KIAA0753: variants seen among roughly 807,000 people sequenced by gnomAD.
KIAA0753 encodes KIAA0753, also known as protein moonraker.
Under a neutral mutation model 116.9 loss-of-function variants are expected in KIAA0753, and 114 were observed. That is an observed-to-expected ratio of 0.98 (90% CI 0.84 to 1.14). KIAA0753 has a LOEUF of 1.14. KIAA0753 is among the 50% of genes most tolerant of loss of function. The probability of loss-of-function intolerance (pLI) is 0.00; values close to 1 mark genes in which losing one functional copy is unlikely to be tolerated. For missense variants in KIAA0753, 1,156 were observed against 1,172.4 expected (o/e 0.99, Z 0.20); for synonymous variants, 405 against 413.1 (o/e 0.98, Z 0.24).
chr17:6,612,746 T>G (rs554929366), intron 7 of KIAA0753, among the ~76,000 whole-genome samples: 1 of 152,156 alleles, frequency 6.6e-6, no homozygotes, highest in African/African-American at 2.4e-5. Context: ...CAGCCACCTA[T>G]AATCCCAGCT....
intron 2 of KIAA0753, chr17:6,634,785 GAGA>G (rs1294348228): frequency 8.6e-6 from 4 of 463,332 alleles, no homozygotes; most frequent in Admixed American, 3.3e-5. Flanking sequence ...TCATTTTTAG[GAGA>G]AGTATTCTCA....
chr17:6,596,576 C>T (rs1969502219), intron 14 of KIAA0753, among the ~76,000 whole-genome samples: 1 of 152,174 alleles, frequency 6.6e-6, no homozygotes, highest in Non-Finnish European at 1.5e-5. Flanking sequence ...ATAGCATTAA[C>T]CAAGTAATAC....
At chr17:6,601,017 A>G (rs569678957) in intron 12 of KIAA0753, 79 of 154,418 alleles carry the variant, frequency 5.1e-4, no homozygotes, top group Non-Finnish European at 9.7e-4. Flanking sequence ...AGATCAGACG[A>G]GATCGGGCAC....
chr17:6,628,538 A>G lies in KIAA0753; in HGVS notation c.297T>C (p.Tyr99=), dbSNP rs1971824426. Residue 99 remains tyrosine, a synonymous_variant, in exon 3 of 19, where the codon TAT becomes TAC. Coordinates refer to ENST00000361413, the MANE Select transcript of KIAA0753 (RefSeq NM_014804.3). ...CATCTCTTCTGGCTAGGTGGACAGC[A>G]TAGCTAAGTCTCTCTTGGGATATGA... is the stretch of plus-strand genomic sequence containing the variant. The part of the protein sequence containing the change: ...FSVISQERLS[Y]AVHLARRDVK... 6.2e-7 allele frequency: 1 copy of G among 1,614,208 alleles called. No homozygotes were observed. The highest frequency in any genetic ancestry group is 8.5e-7 in the Non-Finnish European group (1 of 1,180,034).
rs1437797489 is a variant in KIAA0753 at position 6,605,108 on chromosome 17, A to T, written c.2009+1765T>A. Among the ~76,000 whole-genome samples, 3 of 146,948 alleles carry T rather than the reference A, an allele frequency of 2.0e-5. No homozygotes were observed. In the East Asian group the frequency reaches 6.2e-4, roughly 30 times the overall value. Reference sequence around the variant, plus strand: ...AACTTGAAAAAAAAAAAAAAAAAAAAGCAGCAGCTACATTAGCATGTGCTC... The same window carrying T: ...AACTTGAAAAAAAAAAAAAAAAAAATGCAGCAGCTACATTAGCATGTGCTC... On this transcript the variant is annotated intron_variant, in intron 12 of 18. Coordinates refer to ENST00000361413, the MANE Select transcript of KIAA0753 (RefSeq NM_014804.3).
chr17:6,589,061 TCTAA>T (rs1968794426), intron 18 of KIAA0753, among the ~76,000 whole-genome samples: 1 of 152,184 alleles, frequency 6.6e-6, no homozygotes, highest in Non-Finnish European at 1.5e-5. Context: ...GGAAATCAGC[TCTAA>T]CTGACTCCTG....
At chr17:6,630,207 T>C (rs1971940483) in intron 2 of KIAA0753, among the ~76,000 whole-genome samples, 1 of 151,908 alleles carries the variant, frequency 6.6e-6, no homozygotes, top group Non-Finnish European at 1.5e-5. Flanking sequence ...ATGACCAATT[T>C]ACCAAAAAAG....
chr17:6,623,813 G>T, intron 4 of KIAA0753: 2 of 378,384 alleles, frequency 5.3e-6, no homozygotes, highest in Non-Finnish European at 9.2e-6. Flanking sequence ...TAGGAATTTA[G>T]CATGAAGGAG....
chr17:6,633,695 G>GA (rs1178900416), intron 2 of KIAA0753, among the ~76,000 whole-genome samples: 1 of 152,004 alleles, frequency 6.6e-6, no homozygotes, highest in Non-Finnish European at 1.5e-5. Flanking sequence ...TATGGAATGA[G>GA]AAAAAAGGAT....
chr17:6,592,098 T>C (rs1969112618), intron 16 of KIAA0753, among the ~76,000 whole-genome samples: 1 of 152,204 alleles, frequency 6.6e-6, no homozygotes, highest in African/African-American at 2.4e-5. Flanking sequence ...GAAGAACAGC[T>C]TGACTGTTAT....
chr17:6,602,349 A>G (rs1281228977), intron 12 of KIAA0753, among the ~76,000 whole-genome samples: 1 of 152,266 alleles, frequency 6.6e-6, no homozygotes, highest in East Asian at 1.9e-4. Flanking sequence ...CATACTAACT[A>G]TAAATGGGAA....
chr17:6,619,817 A>T (rs72835758), intron 7 of KIAA0753, among the ~76,000 whole-genome samples: 11,828 of 152,324 alleles, frequency 0.078, 536 homozygotes, highest in Non-Finnish European at 0.11. Flanking sequence ...GATCTCATCT[A>T]TCTAGAGAAA....
intron 7 of KIAA0753, among the ~76,000 whole-genome samples, chr17:6,616,197 GTCT>G (rs1970917705): frequency 6.6e-6 from 1 of 152,224 alleles, no homozygotes; most frequent in Non-Finnish European, 1.5e-5. Context: ...GCAGAGCCAA[GTCT>G]TCTGGCTTTC....
chr17:6,618,596 G>A (rs1011775462), intron 7 of KIAA0753, among the ~76,000 whole-genome samples: 1 of 152,212 alleles, frequency 6.6e-6, no homozygotes, highest in Non-Finnish European at 1.5e-5. Context: ...CACACATTTG[G>A]TGTCAGAGGT....
intron 3 of KIAA0753, among the ~76,000 whole-genome samples, chr17:6,625,292 C>T (rs899911552): frequency 1.5e-4 from 23 of 152,150 alleles, no homozygotes; most frequent in African/African-American, 5.3e-4. Flanking sequence ...ATTGATCAGC[C>T]ACTAAATATG....
chr17:6,590,005 T>G lies in KIAA0753; in HGVS notation c.2562-2A>C, dbSNP rs939960828. On this transcript the variant is annotated splice_acceptor_variant, in intron 17 of 18. Coordinates refer to ENST00000361413, the MANE Select transcript of KIAA0753 (RefSeq NM_014804.3). LOFTEE classifies it high-confidence loss of function. ...GTTCCCACACTTTCATCCAGGGAAC[T>G]GAGAACAAATAAAAATGATGAAAGC... 1 of 1,540,856 alleles carries G rather than the reference T, an allele frequency of 6.5e-7. No individual in the cohort carries two copies. The highest frequency in any genetic ancestry group is 1.4e-5 in the African/African-American group (1 of 71,930).
intron 6 of KIAA0753, among the ~76,000 whole-genome samples, chr17:6,621,722 C>A (rs1208478492): frequency 6.6e-6 from 1 of 152,184 alleles, no homozygotes; most frequent in African/African-American, 2.4e-5. Flanking sequence ...GGTACTCTTA[C>A]TCAAGCTCAA....
intron 11 of KIAA0753, 88 bp downstream of exon 11, chr17:6,607,093 A>C: frequency 8.6e-6 from 12 of 1,393,084 alleles, no homozygotes; most frequent in Non-Finnish European, 1.2e-5. Flanking sequence ...AAGTGTAGCT[A>C]GACCTAAATA....
At position 6,590,015 on chromosome 17, in the gene KIAA0753, T is replaced by C. The variant is rs775532168; in HGVS notation, c.2562-12A>G. 1.1e-5 allele frequency: 17 copies of C among 1,525,876 alleles called. No individual in the cohort carries two copies. Among genetic ancestry groups the C allele is most frequent in the Non-Finnish European group, 1.1e-5 (13 of 1,137,008 alleles). The allele number at this position is 1,525,876 out of a possible 1,614,324, so 94.5% of individuals were successfully genotyped here. A position where few individuals can be genotyped will look rare whatever the true frequency, so the allele number is the denominator to read the frequency against. Reference sequence around the variant, plus strand: ...TTTCATCCAGGGAACTGAGAACAAATAAAAATGATGAAAGCATTCAAGATC... The same window carrying C: ...TTTCATCCAGGGAACTGAGAACAAACAAAAATGATGAAAGCATTCAAGATC... On this transcript the variant is annotated splice_polypyrimidine_tract_variant and intron_variant, in intron 17 of 18. Transcript: ENST00000361413.
Sources: gnomAD v4.1 joint callset for allele counts (sites outside exome capture counted in the v4.1 genomes callset) on GRCh38, gnomAD v4.1.1 for gene constraint, MANE v1.5 for transcripts, NCBI Gene and HGNC (gene_info 2026-07-23, HGNC 2026-07-21) for gene names.